Variants in SKIC2 observed in about 807,000 individuals in gnomAD.
SKIC2 encodes the protein SKI2 subunit of superkiller complex, also known as superkiller complex protein 2.
the SKIC2 span, chr6:31,963,339 G>T: frequency 7.3e-7 from 1 of 1,378,216 alleles, no homozygotes; most frequent in Non-Finnish European, 9.8e-7. This position sits in a 1 kb window ranked among gnomAD's most constrained non-coding sequence, Gnocchi z 5.3. Flanking sequence ...AGTTGGAGGG[G>T]TAGGGAAGGG....
the SKIC2 span, chr6:31,965,738 G>A: frequency 1.7e-6 from 2 of 1,202,996 alleles, no homozygotes; most frequent in South Asian, 1.2e-5. The surrounding 1 kb of genome is among the most constrained non-coding windows in gnomAD (Gnocchi z 5.6). Flanking sequence ...GGGGGTGTGT[G>A]TATGTAGAGC....
chr6:31,968,339 C>T, the SKIC2 span: 24 of 1,612,550 alleles, frequency 1.5e-5, no homozygotes, highest in Non-Finnish European at 1.9e-5. This position sits in a 1 kb window ranked among gnomAD's most constrained non-coding sequence, Gnocchi z 6.1. Flanking sequence ...AAGGATCCTC[C>T]CCTTGCAGCC....
chr6:31,969,604 G>GC, the SKIC2 span: 1 of 1,613,278 alleles, frequency 6.2e-7, no homozygotes. The surrounding 1 kb of genome is among the most constrained non-coding windows in gnomAD (Gnocchi z 6.1). Flanking sequence ...GTCGCTCACT[G>GC]CGGGGGGCAG....
At chr6:31,960,550 A>T in the SKIC2 span, 1 of 1,604,452 alleles carries the variant, frequency 6.2e-7, no homozygotes, top group Non-Finnish European at 8.5e-7. Context: ...TGGCCAGGTG[A>T]CTCTTGTGGA....
chr6:31,961,468 A>G, the SKIC2 span: 3 of 1,534,046 alleles, frequency 2.0e-6, no homozygotes, highest in African/African-American at 4.2e-5. Context: ...GAGGGGAAGA[A>G]AGGGACATCT....
At chr6:31,967,623 T>C in the SKIC2 span, 1 of 1,443,300 alleles carries the variant, frequency 6.9e-7, no homozygotes, top group South Asian at 1.2e-5. This position sits in a 1 kb window ranked among gnomAD's most constrained non-coding sequence, Gnocchi z 4.9. Flanking sequence ...CATGGTTGCT[T>C]CCTGATTCCT....
the SKIC2 span, chr6:31,962,640 G>A: frequency 6.2e-7 from 1 of 1,608,740 alleles, no homozygotes; most frequent in Non-Finnish European, 8.5e-7. This position sits in a 1 kb window ranked among gnomAD's most constrained non-coding sequence, Gnocchi z 5.0. Flanking sequence ...TGTGGCCGTT[G>A]TGGAGAGTGT....
the SKIC2 span, chr6:31,968,897 C>A: frequency 2.5e-6 from 4 of 1,612,834 alleles, no homozygotes; most frequent in Non-Finnish European, 2.5e-6. The surrounding 1 kb of genome is among the most constrained non-coding windows in gnomAD (Gnocchi z 6.1). Flanking sequence ...GTTATGTGGA[C>A]GAGGCGGGCA....
the SKIC2 span, chr6:31,959,482 C>T: frequency 1.0e-6 from 1 of 980,904 alleles, no homozygotes; most frequent in Non-Finnish European, 1.6e-6. Flanking sequence ...TCTAGCTTAA[C>T]CTTGTTCATC....
chr6:31,961,237 A>C, the SKIC2 span: 1,162,441 of 1,613,104 alleles, frequency 0.72, 424,748 homozygotes, highest in African/African-American at 0.91. Context: ...CCTTAGCTGT[A>C]TGTTGGAGCC....
At chr6:31,967,590 C>A in the SKIC2 span, 1 of 1,101,368 alleles carries the variant, frequency 9.1e-7, no homozygotes, top group Non-Finnish European at 1.3e-6. The surrounding 1 kb of genome is among the most constrained non-coding windows in gnomAD (Gnocchi z 4.9). Context: ...GACTTGGTTG[C>A]CCCTCTCTAC....
chr6:31,966,003 G>A, the SKIC2 span: 27 of 1,589,930 alleles, frequency 1.7e-5, no homozygotes, highest in African/African-American at 2.7e-5. The surrounding 1 kb of genome is among the most constrained non-coding windows in gnomAD (Gnocchi z 5.9). Context: ...GACCTGCACC[G>A]CATGATGATG....
chr6:31,968,033 G>A, the SKIC2 span: 1 of 1,612,954 alleles, frequency 6.2e-7, no homozygotes. The surrounding 1 kb of genome is among the most constrained non-coding windows in gnomAD (Gnocchi z 6.1). Flanking sequence ...CCGGGTGAAT[G>A]GGGAGAAGAT....
chr6:31,961,799 CA>C, the SKIC2 span: 2 of 1,551,880 alleles, frequency 1.3e-6, no homozygotes, highest in Non-Finnish European at 1.8e-6. Context: ...TACTCAGTCC[CA>C]GCCTCGGCTG....
chr6:31,969,004 C>T, the SKIC2 span: 4 of 1,612,790 alleles, frequency 2.5e-6, no homozygotes. This position sits in a 1 kb window ranked among gnomAD's most constrained non-coding sequence, Gnocchi z 6.1. Flanking sequence ...ACCCTGCGGC[C>T]TGAGGAGATT....
the SKIC2 span, chr6:31,963,955 C>T: frequency 2.1e-5 from 34 of 1,612,090 alleles, no homozygotes; most frequent in South Asian, 4.4e-5. This position sits in a 1 kb window ranked among gnomAD's most constrained non-coding sequence, Gnocchi z 5.3. Flanking sequence ...CCTCCGCACA[C>T]GTGCCCAGTT....
chr6:31,962,423 C>A, the SKIC2 span: 1 of 1,613,824 alleles, frequency 6.2e-7, no homozygotes, highest in Non-Finnish European at 8.5e-7. The surrounding 1 kb of genome is among the most constrained non-coding windows in gnomAD (Gnocchi z 5.0). Context: ...TGGCTAACTT[C>A]ATGCTCTCTT....
chr6:31,969,319 G>A, the SKIC2 span: 1 of 1,614,212 alleles, frequency 6.2e-7, no homozygotes, highest in Non-Finnish European at 8.5e-7. This position sits in a 1 kb window ranked among gnomAD's most constrained non-coding sequence, Gnocchi z 6.1. Flanking sequence ...GCGGATTGGT[G>A]AGGTCCAGGT....
chr6:31,960,656 C>T, the SKIC2 span: 68 of 1,591,332 alleles, frequency 4.3e-5, no homozygotes, highest in Non-Finnish European at 5.5e-5. Flanking sequence ...TCTGTCCTGT[C>T]TCTTCCCAGG....
Sources: allele counts gnomAD v4.1 joint callset, GRCh38; gene constraint gnomAD v4.1.1; non-coding constraint Gnocchi (gnomAD v3.1); transcripts MANE v1.5; gene names NCBI Gene and HGNC (gene_info 2026-07-23, HGNC 2026-07-21).